Variants in EPHA6 observed in about 807,000 individuals in gnomAD.
EPHA6 encodes ephrin type-A receptor 6.
Under a neutral mutation model 112.0 loss-of-function variants are expected in EPHA6, and 50 were observed. The ratio of observed to expected loss-of-function variants is 0.45; its 90% CI spans 0.36 to 0.56. The LOEUF is 0.56. Among genes scored for constraint, EPHA6 ranks in the 20% least tolerant of loss-of-function variants. The probability of loss-of-function intolerance (pLI) is 0.00; values close to 1 mark genes in which losing one functional copy is unlikely to be tolerated. For missense variants in EPHA6, 1,280 were observed against 1,417.4 expected (o/e 0.90, Z 1.56); for synonymous variants, 529 against 490.7 (o/e 1.08, Z -1.03).
intron 14 of EPHA6, among the ~76,000 whole-genome samples, chr3:97,653,677 C>T (rs1467421270): frequency 2.6e-5 from 4 of 151,914 alleles, no homozygotes; most frequent in Non-Finnish European, 5.9e-5. Context: ...GAAATGAAAT[C>T]AGTATCTTGA....
At chr3:96,879,003 T>C (rs1049517071) in intron 2 of EPHA6, among the ~76,000 whole-genome samples, 1 of 152,092 alleles carries the variant, frequency 6.6e-6, no homozygotes, top group African/African-American at 2.4e-5. Context: ...TGTAGAAAGA[T>C]ATATTTCACG....
chr3:97,187,972 T>G lies in EPHA6; in HGVS notation c.1115-38292T>G, dbSNP rs896300642. Reference sequence around the variant, plus strand: ...GAGACACCATTTGACACATATCTGATTGGCAAAAATCCAGTATGTTGATCA... The same window carrying G: ...GAGACACCATTTGACACATATCTGAGTGGCAAAAATCCAGTATGTTGATCA... On this transcript the variant is annotated intron_variant, in intron 3 of 17. Transcript: ENST00000389672. Among the ~76,000 whole-genome samples, 6 of 152,234 alleles carry G rather than the reference T, an allele frequency of 3.9e-5. No homozygotes were observed. The Middle Eastern group carries it at 0.01, about 259-fold the overall frequency.
chr3:97,741,230 G>C (rs2035493824), intron 16 of EPHA6, among the ~76,000 whole-genome samples: 1 of 151,962 alleles, frequency 6.6e-6, no homozygotes, highest in Non-Finnish European at 1.5e-5. Context: ...GCACATGCCT[G>C]TGGTCCCAGC....
chr3:97,348,866 G>A (rs2083665436), intron 5 of EPHA6, among the ~76,000 whole-genome samples: 1 of 152,042 alleles, frequency 6.6e-6, no homozygotes, highest in African/African-American at 2.4e-5. Flanking sequence ...AATCATGGAA[G>A]TGAGGGAGTC....
intron 2 of EPHA6, among the ~76,000 whole-genome samples, chr3:96,870,895 G>A (rs1009901783): frequency 6.6e-6 from 1 of 151,938 alleles, no homozygotes; most frequent in African/African-American, 2.4e-5. Context: ...ATTTCATATA[G>A]TAAGAAGTAA....
At chr3:97,726,155 A>T (rs1394374233) in intron 15 of EPHA6, among the ~76,000 whole-genome samples, 1 of 152,060 alleles carries the variant, frequency 6.6e-6, no homozygotes, top group Non-Finnish European at 1.5e-5. Flanking sequence ...CCATTTCTAG[A>T]TAAGATAACT....
Position 96,948,925 on chromosome 3 carries a change from C to T in EPHA6, c.451-38405C>T, listed in dbSNP as rs1305425959. On this transcript the variant is annotated intron_variant, in intron 2 of 17. Coordinates refer to ENST00000389672, the MANE Select transcript of EPHA6 (RefSeq NM_001080448.3). The stretch of plus-strand genomic sequence containing the variant: ...CTGCAATGTGTCTTTTGACTGTGTG[C>T]ATCCTAAGTTGTGAGTGACTGGGAC... Among the ~76,000 whole-genome samples, 7 of 152,112 alleles carry T rather than the reference C, an allele frequency of 4.6e-5. No homozygotes were observed. The East Asian group carries it at 1.2e-3, about 25-fold the overall frequency.
chr3:97,251,937 A>G (rs1261241213), intron 5 of EPHA6, among the ~76,000 whole-genome samples: 1 of 152,242 alleles, frequency 6.6e-6, no homozygotes, highest in African/African-American at 2.4e-5. Flanking sequence ...CCCTCTAAGT[A>G]AAGAAAAAGT....
chr3:97,285,227 G>C (rs902759462), intron 5 of EPHA6, among the ~76,000 whole-genome samples: 15 of 152,108 alleles, frequency 9.9e-5, no homozygotes, highest in Non-Finnish European at 1.6e-4. Context: ...GGAAGACATT[G>C]CATTTGTAAG....
intron 2 of EPHA6, among the ~76,000 whole-genome samples, chr3:96,922,633 A>T (rs926925798): frequency 6.6e-6 from 1 of 152,158 alleles, no homozygotes; most frequent in African/African-American, 2.4e-5. Flanking sequence ...AAGCAATGCA[A>T]TTCATTCCAC....
Position 96,885,006 on chromosome 3 carries a change from G to T in EPHA6, c.450+18117G>T, listed in dbSNP as rs562158970. Reference sequence around the variant, plus strand: ...TCATGCGATTTTTGTTTTTAATTCTGTTTATGTGGTGTATCACATTTATTG... The same window carrying T: ...TCATGCGATTTTTGTTTTTAATTCTTTTTATGTGGTGTATCACATTTATTG... On this transcript the variant is annotated intron_variant, in intron 2 of 17. Transcript: ENST00000389672. Among the ~76,000 whole-genome samples the T allele has an allele frequency of 3.0e-4, 46 of 152,244 alleles. No individual in the cohort carries two copies. The East Asian group carries it at 8.7e-3, about 29-fold the overall frequency.
intron 14 of EPHA6, among the ~76,000 whole-genome samples, chr3:97,693,953 GT>G (rs1576301654): frequency 1.3e-5 from 2 of 152,176 alleles, no homozygotes; most frequent in African/African-American, 4.8e-5. Context: ...GCTTGGTCAA[GT>G]TTACATTGAT....
intron 2 of EPHA6, among the ~76,000 whole-genome samples, chr3:96,944,064 C>A (rs373811123): frequency 2.6e-5 from 4 of 152,210 alleles, no homozygotes; most frequent in South Asian, 2.1e-4. Flanking sequence ...AAATTCCTTG[C>A]AAAGTTATCT....
intron 13 of EPHA6, among the ~76,000 whole-genome samples, chr3:97,617,419 AC>A (rs530850683): frequency 3.9e-5 from 6 of 152,206 alleles, no homozygotes; most frequent in Non-Finnish European, 8.8e-5. Flanking sequence ...TCAAATCCAC[AC>A]ATAACAATAC....
At chr3:97,375,921 G>A (rs1443900615) in intron 5 of EPHA6, among the ~76,000 whole-genome samples, 1 of 152,092 alleles carries the variant, frequency 6.6e-6, no homozygotes, top group Admixed American at 6.6e-5. Context: ...CAGTGGTGGA[G>A]GAGGAATGGA....
At chr3:97,697,451 T>G (rs2033112432) in intron 14 of EPHA6, among the ~76,000 whole-genome samples, 2 of 152,236 alleles carry the variant, frequency 1.3e-5, no homozygotes, top group South Asian at 4.1e-4. Flanking sequence ...GGCAAGGAAA[T>G]GAGAATGTAT....
At chr3:97,025,998 G>A (rs1050639311) in intron 3 of EPHA6, among the ~76,000 whole-genome samples, 1 of 152,038 alleles carries the variant, frequency 6.6e-6, no homozygotes, top group Non-Finnish European at 1.5e-5. Context: ...ACCATTTATT[G>A]AATAGGAAAT....
chr3:96,913,635 T>A (rs537072060), intron 2 of EPHA6, among the ~76,000 whole-genome samples: 1 of 152,306 alleles, frequency 6.6e-6, no homozygotes, highest in African/African-American at 2.4e-5. Context: ...TGTCTGATTC[T>A]ACCACCTGCA....
intron 2 of EPHA6, among the ~76,000 whole-genome samples, chr3:96,916,935 T>C (rs762598197): frequency 1.3e-5 from 2 of 152,176 alleles, no homozygotes; most frequent in Admixed American, 6.5e-5. Context: ...TGCCTGGTAA[T>C]GTCCAAAGTG....
Sources: allele counts gnomAD v4.1 joint callset (sites outside exome capture counted in the v4.1 genomes callset), GRCh38; gene constraint gnomAD v4.1.1; transcripts MANE v1.5; gene names NCBI Gene and HGNC (gene_info 2026-07-23, HGNC 2026-07-21).